Variants in NOL4 observed in about 807,000 individuals in gnomAD.
NOL4 encodes cancer/testis antigen 125.
In NOL4, 17 loss-of-function variants were observed where a neutral mutation model predicts 75.9. The ratio of observed to expected loss-of-function variants is 0.22; its 90% confidence interval spans 0.15 to 0.34. NOL4 has a LOEUF of 0.34. Among genes scored for constraint, NOL4 ranks in the 10% least tolerant of loss-of-function variants. NOL4 has a pLI of 1.00. For missense variants in NOL4, 614 were observed against 793.5 expected, an observed-to-expected ratio of 0.77 and a Z score of 2.72; for synonymous variants, 292 against 289.9, an observed-to-expected ratio of 1.01 and a Z score of -0.07.
At chr18:34,175,375 A>G (rs188380398) in intron 1 of NOL4, among the ~76,000 whole-genome samples, 184 of 152,308 alleles carry the variant, frequency 1.2e-3, no homozygotes, top group African/African-American at 4.0e-3. Flanking sequence ...GCAGCTGCCT[A>G]AAGCTGTGGA....
intron 6 of NOL4, among the ~76,000 whole-genome samples, chr18:34,010,411 C>T (rs2074304196): frequency 6.6e-6 from 1 of 151,846 alleles, no homozygotes; most frequent in Admixed American, 6.6e-5. Flanking sequence ...CTGATAGACA[C>T]TTCGGTTGAT....
intron 2 of NOL4, among the ~76,000 whole-genome samples, chr18:34,128,331 A>G (rs2080476036): frequency 6.6e-6 from 1 of 151,968 alleles, no homozygotes; most frequent in African/African-American, 2.4e-5. Flanking sequence ...CATTTAATAC[A>G]ATTGAAATTA....
rs2074178963 is a variant in NOL4 at position 34,008,420 on chromosome 18, G to A, written c.1056+10898C>T. Among the ~76,000 whole-genome samples the A allele has an allele frequency of 2.4e-5, 3 of 124,950 alleles. No individual in the cohort carries two copies. The South Asian group carries it at 7.9e-4, about 33-fold the overall frequency. 82.0% of individuals were successfully genotyped at this position (124,950 alleles called of 152,430 possible). ...ATCTATCTATCTATCTATCCTATGG[G>A]TTCCATTTGTCTGGAGAATCCTGAA... On this transcript the variant is annotated intron_variant, in intron 6 of 10. Coordinates refer to ENST00000261592, the MANE Select transcript of NOL4 (RefSeq NM_003787.5).
intron 9 of NOL4, among the ~76,000 whole-genome samples, chr18:33,942,558 T>A (rs1179889806): frequency 6.6e-6 from 1 of 151,928 alleles, no homozygotes; most frequent in Non-Finnish European, 1.5e-5. Flanking sequence ...AGAGATTAAG[T>A]CTAAGACATG....
At chr18:33,945,754 C>T (rs779396691) in intron 8 of NOL4, among the ~76,000 whole-genome samples, 5 of 151,630 alleles carry the variant, frequency 3.3e-5, no homozygotes, top group South Asian at 2.1e-4. Flanking sequence ...CAATACTTCC[C>T]GTAGATAAAC....
intron 9 of NOL4, among the ~76,000 whole-genome samples, chr18:33,935,340 A>G (rs1032785077): frequency 6.6e-6 from 1 of 152,068 alleles, no homozygotes; most frequent in Admixed American, 6.6e-5. Context: ...TCTTCCTTTC[A>G]CTTGAATACT....
At chr18:33,913,349 T>C (rs761784578) in intron 9 of NOL4, among the ~76,000 whole-genome samples, 37 of 152,176 alleles carry the variant, frequency 2.4e-4, no homozygotes, top group Non-Finnish European at 5.0e-4. Context: ...CTTAGGCCCA[T>C]GACATGCAAT....
At chr18:33,991,164 C>T (rs955902952) in intron 6 of NOL4, among the ~76,000 whole-genome samples, 1 of 151,834 alleles carries the variant, frequency 6.6e-6, no homozygotes, top group African/African-American at 2.4e-5. Context: ...ACTAGCTTAC[C>T]CCTCCACCTC....
chr18:34,017,170 T>C (rs187501258), intron 6 of NOL4, among the ~76,000 whole-genome samples: 1 of 152,260 alleles, frequency 6.6e-6, no homozygotes, highest in Non-Finnish European at 1.5e-5. Flanking sequence ...TCAAATAGCA[T>C]TTTCTTACTT....
At chr18:34,207,196 C>T (rs1175459303) in intron 1 of NOL4, among the ~76,000 whole-genome samples, 3 of 152,148 alleles carry the variant, frequency 2.0e-5, no homozygotes, top group African/African-American at 4.8e-5. Context: ...TCAGGGTTGA[C>T]ATCTTCTGAT....
At chr18:34,060,967 C>T (rs1227057378) in intron 5 of NOL4, among the ~76,000 whole-genome samples, 1 of 152,108 alleles carries the variant, frequency 6.6e-6, no homozygotes, top group South Asian at 2.1e-4. Context: ...TGATGTAGTG[C>T]AAGTCACAAA....
intron 9 of NOL4, among the ~76,000 whole-genome samples, chr18:33,896,475 A>G (rs1248879825): frequency 6.6e-6 from 1 of 152,080 alleles, no homozygotes; most frequent in South Asian, 2.1e-4. Flanking sequence ...AAAATAAGGC[A>G]GCACATCTAT....
intron 5 of NOL4, among the ~76,000 whole-genome samples, chr18:34,091,856 T>C (rs1248847235): frequency 6.6e-6 from 1 of 152,092 alleles, no homozygotes; most frequent in African/African-American, 2.4e-5. Flanking sequence ...CATCAATATA[T>C]CATGAGAAAG....
intron 1 of NOL4, among the ~76,000 whole-genome samples, chr18:34,217,371 G>T (rs924892015): frequency 6.6e-6 from 1 of 151,384 alleles, no homozygotes; most frequent in Non-Finnish European, 1.5e-5. Context: ...TGCAACCTCC[G>T]CCTCCCGGGT....
At chr18:34,136,204 C>T (rs2080883929) in intron 1 of NOL4, among the ~76,000 whole-genome samples, 1 of 152,122 alleles carries the variant, frequency 6.6e-6, no homozygotes, top group Non-Finnish European at 1.5e-5. Flanking sequence ...TCATGAGGGA[C>T]ATCTACAAAA....
intron 1 of NOL4, among the ~76,000 whole-genome samples, chr18:34,207,358 G>A (rs901595376): frequency 6.6e-6 from 1 of 152,150 alleles, no homozygotes; most frequent in Non-Finnish European, 1.5e-5. Flanking sequence ...ATAGCATGCA[G>A]TAAATCCCAT....
chr18:34,020,283 G>GA (rs1221135578), intron 5 of NOL4, among the ~76,000 whole-genome samples: 33 of 149,604 alleles, frequency 2.2e-4, no homozygotes, highest in South Asian at 8.4e-4. Flanking sequence ...CAATCTCAAA[G>GA]AAAAAAAAAC....
chr18:33,935,918 G>A (rs1298637803), intron 9 of NOL4, among the ~76,000 whole-genome samples: 1 of 152,080 alleles, frequency 6.6e-6, no homozygotes, highest in African/African-American at 2.4e-5. Context: ...AAAAAGCTGA[G>A]GATGACTGAG....
At chr18:33,875,053 C>T (rs1178626452) in intron 10 of NOL4, among the ~76,000 whole-genome samples, 1 of 152,006 alleles carries the variant, frequency 6.6e-6, no homozygotes, top group Admixed American at 6.6e-5. Flanking sequence ...TATATCAGCC[C>T]AGTTTATAAC....
Sources: allele counts gnomAD v4.1 joint callset (sites outside exome capture counted in the v4.1 genomes callset), GRCh38; gene constraint gnomAD v4.1.1; transcripts MANE v1.5; gene names NCBI Gene and HGNC (gene_info 2026-07-23, HGNC 2026-07-21).